The following NBAS variants were observed in gnomAD, a reference collection of about 807,000 sequenced individuals.
The protein encoded by NBAS is NAG/BC035112 fusion.
A neutral mutation model predicts 302.5 loss-of-function variants in NBAS; 219 were observed. The observed-to-expected ratio is 0.72, with a 90% CI of 0.65 to 0.81. NBAS has a LOEUF of 0.81. Ranked by LOEUF, NBAS falls within the 30% of genes least tolerant of loss-of-function variation. NBAS has a pLI of 0.00. For synonymous variants in NBAS, 1,118 were observed against 1,021.6 expected (o/e 1.09, Z -1.80); for missense variants, 2,932 against 2,841.6 (o/e 1.03, Z -0.72).
chr2:15,226,258 G>C (rs551239689), intron 47 of NBAS, among the ~76,000 whole-genome samples: 1 of 152,150 alleles, frequency 6.6e-6, no homozygotes. Context: ...CAAAGTCTTG[G>C]CATAGAGGAA....
chr2:15,300,997 C>T (rs777712043), intron 40 of NBAS, among the ~76,000 whole-genome samples: 11 of 152,280 alleles, frequency 7.2e-5, no homozygotes, highest in Middle Eastern at 3.4e-3. Flanking sequence ...TCAGGAAGCA[C>T]GGCTGGAGGG....
the NBAS span, among the ~76,000 whole-genome samples, chr2:14,892,409 C>T: frequency 2.0e-5 from 3 of 152,182 alleles, no homozygotes; most frequent in South Asian, 2.1e-4. Flanking sequence ...GCTCACAGGG[C>T]GACATAGATC....
chr2:15,509,764 T>G (rs1156776236), intron 10 of NBAS, among the ~76,000 whole-genome samples: 1 of 152,222 alleles, frequency 6.6e-6, no homozygotes, highest in Non-Finnish European at 1.5e-5. Flanking sequence ...GTTTCAACTT[T>G]TCTAGATTTC....
At chr2:14,787,527 A>C in the NBAS span, among the ~76,000 whole-genome samples, 1 of 152,138 alleles carries the variant, frequency 6.6e-6, no homozygotes, top group Non-Finnish European at 1.5e-5. Context: ...ATGGTGACAT[A>C]ATCTCTCAGC....
the NBAS span, among the ~76,000 whole-genome samples, chr2:14,981,461 T>C: frequency 3.3e-5 from 5 of 152,248 alleles, no homozygotes; most frequent in African/African-American, 4.8e-5. Flanking sequence ...CAAGAAACTA[T>C]TGGGAGTTGT....
chr2:14,790,958 C>T, the NBAS span, among the ~76,000 whole-genome samples: 27 of 152,266 alleles, frequency 1.8e-4, no homozygotes, highest in Admixed American at 2.6e-4. Flanking sequence ...CAGGTTCAAG[C>T]GATTCTCCTG....
In NBAS at chr2:15,443,427, A is replaced by G. The variant is rs1035610966; in HGVS notation, c.2340-15633T>C. Among the ~76,000 whole-genome samples, 20 of 152,248 alleles carry G rather than the reference A, an allele frequency of 1.3e-4. No individual in the cohort carries two copies. The East Asian group carries it at 3.7e-3, about 28-fold the overall frequency. ...CACATGATTGTCTCAACAGATGCAG[A>G]AAAGACCTTTGACAAAATTCAACAA... On this transcript the variant is annotated intron_variant, in intron 21 of 51. Coordinates refer to ENST00000281513, the MANE Select transcript of NBAS (RefSeq NM_015909.4).
chr2:15,487,905 C>T (rs1680699402), intron 12 of NBAS, among the ~76,000 whole-genome samples: 1 of 152,038 alleles, frequency 6.6e-6, no homozygotes, highest in African/African-American at 2.4e-5. Context: ...TGAATGGAAA[C>T]CAGGGAGAAA....
the NBAS span, among the ~76,000 whole-genome samples, chr2:15,029,564 G>GCCT: frequency 6.6e-6 from 1 of 152,182 alleles, no homozygotes; most frequent in South Asian, 2.1e-4. Context: ...CCATTACGGG[G>GCCT]CCTCGGAAGA....
chr2:15,424,251 G>A (rs2148477591), intron 23 of NBAS, 64 bp downstream of exon 23: 1 of 1,585,658 alleles, frequency 6.3e-7, no homozygotes, highest in Middle Eastern at 1.7e-4. Flanking sequence ...TCCGTGTACT[G>A]AATCCTAAGG....
chr2:14,879,305 G>A, the NBAS span, among the ~76,000 whole-genome samples: 5,883 of 152,138 alleles, frequency 0.039, 384 homozygotes, highest in African/African-American at 0.13. Context: ...CATTTTGGGG[G>A]ACCTGCTAGA....
intron 12 of NBAS, among the ~76,000 whole-genome samples, chr2:15,486,526 C>T (rs181135896): frequency 2.0e-5 from 3 of 152,268 alleles, no homozygotes; most frequent in Admixed American, 6.5e-5. Context: ...AATTATTCTT[C>T]CAGACTCTCA....
chr2:15,112,105 A>G, the NBAS span, among the ~76,000 whole-genome samples: 1 of 151,530 alleles, frequency 6.6e-6, no homozygotes, highest in Non-Finnish European at 1.5e-5. Context: ...AAAGCACACC[A>G]GAAAGCCAAA....
chr2:15,382,043 A>G (rs1675059862), intron 29 of NBAS, among the ~76,000 whole-genome samples: 1 of 152,192 alleles, frequency 6.6e-6, no homozygotes, highest in South Asian at 2.1e-4. Flanking sequence ...AATTAAAAAA[A>G]CTTGTTTTAG....
chr2:14,936,092 G>A, the NBAS span, among the ~76,000 whole-genome samples: 1 of 152,130 alleles, frequency 6.6e-6, no homozygotes, highest in Non-Finnish European at 1.5e-5. Context: ...TTTCTACCAG[G>A]ACAATCAAAA....
chr2:14,790,650 T>C, the NBAS span, among the ~76,000 whole-genome samples: 1 of 71,932 alleles, frequency 1.4e-5, no homozygotes, highest in Non-Finnish European at 2.5e-5. Flanking sequence ...AATTCATGCC[T>C]TTTTTTTTTT....
chr2:14,864,260 G>A, the NBAS span, among the ~76,000 whole-genome samples: 2 of 149,586 alleles, frequency 1.3e-5, no homozygotes, highest in Admixed American at 6.7e-5. Context: ...GGAGGAGGTT[G>A]TAGTGAGCTG....
chr2:15,466,705 A>AGGCGG (rs1348729321), intron 19 of NBAS, among the ~76,000 whole-genome samples: 1 of 152,196 alleles, frequency 6.6e-6, no homozygotes, highest in Non-Finnish European at 1.5e-5. Context: ...CAGGAGGCTG[A>AGGCGG]GGCGGGTGGA....
chr2:15,061,287 C>T, the NBAS span, among the ~76,000 whole-genome samples: 6 of 152,320 alleles, frequency 3.9e-5, no homozygotes, highest in East Asian at 1.2e-3. Context: ...AAGAACAAGG[C>T]TCTGGAGTTC....
Sources: allele counts gnomAD v4.1 joint callset (sites outside exome capture counted in the v4.1 genomes callset), GRCh38; gene constraint gnomAD v4.1.1; transcripts MANE v1.5; gene names NCBI Gene and HGNC (gene_info 2026-07-23, HGNC 2026-07-21).